The following POLK variants were observed in gnomAD, a reference collection of about 807,000 sequenced individuals.
POLK encodes the protein polymerase (DNA directed) kappa.
POLK carries 76 observed loss-of-function variants against 94.0 expected under a neutral mutation model. The ratio of observed to expected loss-of-function variants is 0.81; its 90% CI spans 0.67 to 0.98. POLK has a LOEUF of 0.98. Among genes scored for constraint, POLK ranks in the 50% least tolerant of loss-of-function variants. The probability of loss-of-function intolerance (pLI) is 0.00; values close to 1 mark genes in which losing one functional copy is unlikely to be tolerated. For synonymous variants in POLK, 349 were observed against 325.4 expected (o/e 1.07, Z -0.78); for missense variants, 954 against 1,010.1 (o/e 0.94, Z 0.75).
chr5:75,590,372 G>C (rs1185142409), exon 11 of POLK: 1 of 1,602,594 alleles, frequency 6.2e-7, no homozygotes, highest in African/African-American at 1.3e-5. Context: ...TAAAGCGGAA[G>C]AGCAATACAG....
intron 11 of POLK, among the ~76,000 whole-genome samples, chr5:75,592,265 A>G (rs751402722): frequency 6.6e-6 from 1 of 152,256 alleles, no homozygotes; most frequent in African/African-American, 2.4e-5. Context: ...AAGGCACACA[A>G]TAAGTGTGAA....
chr5:75,541,807 A>G (rs1268942892), intron 1 of POLK, among the ~76,000 whole-genome samples: 1 of 152,228 alleles, frequency 6.6e-6, no homozygotes, highest in Non-Finnish European at 1.5e-5. Flanking sequence ...CATTTTTGTC[A>G]TACAAAAATT....
chr5:75,525,471 GAAGAAGAGT>G (rs1224419698), intron 1 of POLK, among the ~76,000 whole-genome samples: 4 of 152,016 alleles, frequency 2.6e-5, no homozygotes, highest in African/African-American at 9.7e-5. Context: ...TAACCAATAT[GAAGAAGAGT>G]AAGGGAAAAA....
chr5:75,589,623 A>C (rs1277273110), intron 10 of POLK, among the ~76,000 whole-genome samples: 1 of 152,002 alleles, frequency 6.6e-6, no homozygotes, highest in African/African-American at 2.4e-5. Context: ...ATTTCTAAGG[A>C]ATTCATAAGA....
intron 8 of POLK, among the ~76,000 whole-genome samples, chr5:75,583,939 A>G (rs1330921526): frequency 6.6e-6 from 1 of 152,166 alleles, no homozygotes; most frequent in East Asian, 1.9e-4. Flanking sequence ...CAGTAATTGC[A>G]CTATGCACTA....
chr5:75,590,489 A>T (rs371305423), intron 11 of POLK, 49 bp downstream of exon 11: 97 of 988,490 alleles, frequency 9.8e-5, no homozygotes, highest in Middle Eastern at 2.4e-4. Context: ...TTTTAATAGT[A>T]AAATGCTACC....
At chr5:75,561,147 C>G (rs1770951834) in intron 3 of POLK, among the ~76,000 whole-genome samples, 1 of 152,174 alleles carries the variant, frequency 6.6e-6, no homozygotes, top group Admixed American at 6.5e-5. Context: ...AAAAGCATTC[C>G]TATTTCTCCA....
chr5:75,593,665 G>C (rs1772908517), intron 11 of POLK, among the ~76,000 whole-genome samples: 1 of 151,992 alleles, frequency 6.6e-6, no homozygotes, highest in South Asian at 2.1e-4. Flanking sequence ...GTAACATAGT[G>C]AGACTCTGAT....
At chr5:75,541,698 A>G (rs1456014174) in intron 1 of POLK, among the ~76,000 whole-genome samples, 1 of 152,228 alleles carries the variant, frequency 6.6e-6, no homozygotes, top group African/African-American at 2.4e-5. Context: ...TGAGAAAATC[A>G]TTCAAATCCA....
chr5:75,553,518 T>C (rs1770432527), intron 3 of POLK, among the ~76,000 whole-genome samples: 1 of 152,208 alleles, frequency 6.6e-6, no homozygotes, highest in African/African-American at 2.4e-5. Context: ...TTTTAAGTGG[T>C]CTTCTATTAT....
chr5:75,543,439 A>C (rs1418070195), intron 1 of POLK, among the ~76,000 whole-genome samples: 1 of 152,130 alleles, frequency 6.6e-6, no homozygotes, highest in African/African-American at 2.4e-5. Context: ...GTGTATGAGA[A>C]AGAGAGGGGT....
intron 11 of POLK, among the ~76,000 whole-genome samples, chr5:75,591,812 C>T (rs1772803243): frequency 6.6e-6 from 1 of 152,178 alleles, no homozygotes; most frequent in Non-Finnish European, 1.5e-5. Flanking sequence ...ATGATTTTCT[C>T]ATGATTAGAT....
intron 1 of POLK, among the ~76,000 whole-genome samples, chr5:75,528,834 A>G (rs148160372): frequency 6.6e-6 from 1 of 152,282 alleles, no homozygotes; most frequent in East Asian, 1.9e-4. Flanking sequence ...GAGAGAATTT[A>G]ATGAAATAGA....
intron 2 of POLK, among the ~76,000 whole-genome samples, chr5:75,548,461 A>G (rs1770163973): frequency 6.7e-6 from 1 of 150,090 alleles, no homozygotes; most frequent in Non-Finnish European, 1.5e-5. Flanking sequence ...TTTCATTTAT[A>G]TATTATAGAA....
chr5:75,596,823 A>T (rs1217181226), exon 13 of POLK: 1 of 1,611,898 alleles, frequency 6.2e-7, no homozygotes. Flanking sequence ...TAGATAACTC[A>T]TCTAAAGCAG....
the POLK span, among the ~76,000 whole-genome samples, chr5:75,607,195 G>A: frequency 2.6e-5 from 4 of 152,126 alleles, no homozygotes; most frequent in African/African-American, 7.2e-5. Context: ...GGCCGGGTGC[G>A]GTGTCTCACG....
chr5:75,567,918 A>C (rs1226580668), intron 3 of POLK, among the ~76,000 whole-genome samples: 2 of 152,224 alleles, frequency 1.3e-5, no homozygotes, highest in African/African-American at 4.8e-5. Context: ...TCCTGTAGAC[A>C]AACATGAGTC....
intron 1 of POLK, among the ~76,000 whole-genome samples, chr5:75,539,491 T>C (rs1769627078): frequency 6.6e-6 from 1 of 152,212 alleles, no homozygotes; most frequent in Non-Finnish European, 1.5e-5. Flanking sequence ...CACAAATATT[T>C]CTTTTTCTTT....
intron 5 of POLK, among the ~76,000 whole-genome samples, chr5:75,574,462 A>AT (rs1012370777): frequency 1.3e-5 from 2 of 152,128 alleles, no homozygotes; most frequent in African/African-American, 2.4e-5. Context: ...CATTTTTTCT[A>AT]TTTTTTATGA....
Sources: gnomAD v4.1 joint callset for allele counts (sites outside exome capture counted in the v4.1 genomes callset) on GRCh38, gnomAD v4.1.1 for gene constraint, MANE v1.5 for transcripts, NCBI Gene and HGNC (gene_info 2026-07-23, HGNC 2026-07-21) for gene names.